The following ZNF521 variants were observed in gnomAD, a reference collection of about 807,000 sequenced individuals.
ZNF521 encodes zinc finger protein 521, also known as LYST-interacting protein 3.
ZNF521 carries 14 observed loss-of-function variants against 105.5 expected under a neutral mutation model. The ratio of observed to expected loss-of-function variants is 0.13; its 90% CI spans 0.09 to 0.21. ZNF521 has a LOEUF of 0.21. ZNF521 is among the 10% of genes least tolerant of loss of function. ZNF521 has a pLI of 1.00. For synonymous variants in ZNF521, 635 were observed against 606.0 expected (o/e 1.05, Z -0.70); for missense variants, 1,233 against 1,629.7 (o/e 0.76, Z 4.19).
intron 2 of ZNF521, among the ~76,000 whole-genome samples, chr18:25,349,912 C>A (rs143268052): frequency 6.6e-6 from 1 of 151,092 alleles, no homozygotes; most frequent in Non-Finnish European, 1.5e-5. Flanking sequence ...GCCCCTCCTC[C>A]GGCCCTCGCG....
At chr18:25,083,041 A>G (rs1489101999) in intron 7 of ZNF521, among the ~76,000 whole-genome samples, 1 of 152,040 alleles carries the variant, frequency 6.6e-6, no homozygotes, top group Non-Finnish European at 1.5e-5. Context: ...AAATAAACTA[A>G]AACTTTTTTC....
At chr18:25,200,182 A>G (rs2035968406) in intron 4 of ZNF521, among the ~76,000 whole-genome samples, 1 of 151,964 alleles carries the variant, frequency 6.6e-6, no homozygotes, top group South Asian at 2.2e-4. Context: ...GCATTTCAAA[A>G]GGAGGTTTTC....
chr18:25,187,114 C>T (rs371354082), intron 5 of ZNF521, among the ~76,000 whole-genome samples: 19 of 152,046 alleles, frequency 1.2e-4, no homozygotes, highest in Non-Finnish European at 1.9e-4. Context: ...TTAGATAAAC[C>T]GCTAGAAAAA....
chr18:25,226,531 G>C lies in ZNF521; in HGVS notation c.1387C>G (p.Gln463Glu), dbSNP rs763858130. Residue 463 changes from glutamine (Q) to glutamate (E), a missense_variant, in exon 4 of 8, where the codon CAG (glutamine) becomes GAG (glutamate). Gln to Glu is a conservative substitution (Grantham distance 29). Coordinates refer to ENST00000361524, the MANE Select transcript of ZNF521 (RefSeq NM_015461.3). This position sits in a 1 kb window ranked among gnomAD's most constrained non-coding sequence, Gnocchi z 4.1. Reference sequence around the variant, plus strand: ...GCAGAAACAATCAGACCTGGGTCCTGAGCTTCATGCACTTGCTTAAGATGT... The same window carrying C: ...GCAGAAACAATCAGACCTGGGTCCTCAGCTTCATGCACTTGCTTAAGATGT... ...NEHLKQVHEA[Q>E]DPGLIVSAMP... The C allele has an allele frequency of 7.4e-6, 12 of 1,614,036 alleles. No homozygotes were observed. The highest frequency in any genetic ancestry group is 9.3e-6 in the Non-Finnish European group (11 of 1,180,026).
intron 3 of ZNF521, among the ~76,000 whole-genome samples, chr18:25,254,447 T>C (rs1908334252): frequency 6.6e-6 from 1 of 152,160 alleles, no homozygotes. Flanking sequence ...ATTTTGATTT[T>C]AAATCAAATT....
At chr18:25,322,804 G>C (rs1426464467) in intron 2 of ZNF521, among the ~76,000 whole-genome samples, 1 of 151,984 alleles carries the variant, frequency 6.6e-6, no homozygotes, top group Non-Finnish European at 1.5e-5. Flanking sequence ...TATGTCTCTT[G>C]TTTTCAAAAT....
intron 6 of ZNF521, among the ~76,000 whole-genome samples, chr18:25,091,573 G>A (rs1174611889): frequency 1.3e-5 from 2 of 151,984 alleles, no homozygotes; most frequent in Non-Finnish European, 2.9e-5. Flanking sequence ...CTGACAACAC[G>A]GCTGCACTTT....
chr18:25,117,082 C>CACACAT (rs1449131209), intron 5 of ZNF521, among the ~76,000 whole-genome samples: 11,557 of 81,202 alleles, frequency 0.14, 744 homozygotes, highest in East Asian at 0.5. Flanking sequence ...CACACACACA[C>CACACAT]ATACACACAT....
chr18:25,218,635 G>C (rs1393810169), intron 4 of ZNF521, among the ~76,000 whole-genome samples: 2 of 149,392 alleles, frequency 1.3e-5, no homozygotes, highest in African/African-American at 5.0e-5. Flanking sequence ...CTGGGCCACA[G>C]AGTGAAACCC....
At chr18:25,304,637 C>T (rs765509725) in intron 3 of ZNF521, among the ~76,000 whole-genome samples, 21 of 152,248 alleles carry the variant, frequency 1.4e-4, no homozygotes, top group Non-Finnish European at 2.8e-4. Context: ...CTACCCTGAA[C>T]GCCTGCCTAT....
At chr18:25,343,843 TAAGA>T (rs1914340789) in intron 2 of ZNF521, among the ~76,000 whole-genome samples, 1 of 152,174 alleles carries the variant, frequency 6.6e-6, no homozygotes, top group Non-Finnish European at 1.5e-5. Flanking sequence ...AAAAGTGTTC[TAAGA>T]AAGGGGAGTT....
Position 25,146,440 on chromosome 18 carries a change from A to G in ZNF521, c.3658+48720T>C, listed in dbSNP as rs536334283. The stretch of plus-strand genomic sequence containing the variant: ...GGGCTAGGATATATAAAAAGCATTT[A>G]GCAACAAAGAAAACAAGCAGGGAGC... On this transcript the variant is annotated intron_variant, in intron 5 of 7. Coordinates refer to ENST00000361524, the MANE Select transcript of ZNF521 (RefSeq NM_015461.3). 9.2e-5 allele frequency among the ~76,000 whole-genome samples: 14 copies of G among 152,292 alleles called. No homozygotes were observed. In the East Asian group the frequency reaches 1.5e-3, roughly 17 times the overall value.
intron 3 of ZNF521, among the ~76,000 whole-genome samples, chr18:25,263,337 AAGTT>A (rs1230027933): frequency 1.5e-4 from 23 of 152,092 alleles, no homozygotes; most frequent in Admixed American, 1.5e-3. Flanking sequence ...TGAAAAAAAA[AAGTT>A]AGGTCAATAA....
intron 5 of ZNF521, among the ~76,000 whole-genome samples, chr18:25,130,571 GA>G (rs889982928): frequency 7.2e-5 from 11 of 152,256 alleles, no homozygotes; most frequent in African/African-American, 2.6e-4. Context: ...AGTCATGGGG[GA>G]AAAACAATAT....
At chr18:25,328,771 C>T (rs902999925) in intron 2 of ZNF521, among the ~76,000 whole-genome samples, 4 of 152,036 alleles carry the variant, frequency 2.6e-5, no homozygotes, top group Non-Finnish European at 5.9e-5. Context: ...CCAGGATGGT[C>T]TCGATCTTCT....
chr18:25,082,351 C>T (rs2033513918), intron 7 of ZNF521, among the ~76,000 whole-genome samples: 1 of 152,098 alleles, frequency 6.6e-6, no homozygotes, highest in South Asian at 2.1e-4. Flanking sequence ...CCCAGACCAT[C>T]CAGGAAGGGG....
chr18:25,341,303 T>C (rs1030640878), intron 2 of ZNF521, among the ~76,000 whole-genome samples: 3 of 152,218 alleles, frequency 2.0e-5, no homozygotes, highest in African/African-American at 7.2e-5. Context: ...TGCAACTTCT[T>C]TCACCTCAAT....
intron 2 of ZNF521, among the ~76,000 whole-genome samples, chr18:25,348,938 G>A (rs1413243881): frequency 2.0e-5 from 3 of 152,110 alleles, no homozygotes; most frequent in African/African-American, 7.2e-5. Context: ...GAAGCACTGG[G>A]AACAAACGCA....
intron 5 of ZNF521, among the ~76,000 whole-genome samples, chr18:25,184,167 C>T (rs1268430676): frequency 6.6e-6 from 1 of 151,938 alleles, no homozygotes; most frequent in Non-Finnish European, 1.5e-5. Context: ...TTCATTTGCA[C>T]CTACTCATAA....
Sources: gnomAD v4.1 joint callset for allele counts (sites outside exome capture counted in the v4.1 genomes callset) on GRCh38, gnomAD v4.1.1 for gene constraint, Gnocchi (gnomAD v3.1) non-coding constraint, MANE v1.5 for transcripts, NCBI Gene and HGNC (gene_info 2026-07-23, HGNC 2026-07-21) for gene names.